The following ANK1 variants were observed in gnomAD, a reference collection of about 807,000 sequenced individuals.
ANK1 encodes ankyrin-1.
A neutral mutation model predicts 210.4 loss-of-function variants in ANK1; 51 were observed. The ratio of observed to expected loss-of-function variants is 0.24; its 90% CI spans 0.19 to 0.31. The LOEUF (loss-of-function observed/expected upper bound fraction) is 0.31. ANK1 is among the 10% of genes least tolerant of loss of function. The probability of loss-of-function intolerance (pLI) is 1.00; values close to 1 mark genes in which losing one functional copy is unlikely to be tolerated. For synonymous variants in ANK1, 967 were observed against 1,025.9 expected, an observed-to-expected ratio of 0.94 and a Z score of 1.10; for missense variants, 2,051 against 2,504.4, an observed-to-expected ratio of 0.82 and a Z score of 3.86.
chr8:41,671,135 A>G lies in ANK1; in HGVS notation c.5096+1219T>C, dbSNP rs567715192. ...CTGGGAAATGCATCACCTTCTCCTG[A>G]CCTGCCGACGCTGCTTTTCTGCTGC... On this transcript the variant is annotated intron_variant, in intron 38 of 42. Coordinates refer to ENST00000289734, the MANE Select transcript of ANK1 (RefSeq NM_000037.4). Among the ~76,000 whole-genome samples the G allele has an allele frequency of 2.6e-5, 4 of 152,208 alleles. No homozygotes were observed. In the East Asian group the frequency reaches 7.7e-4, roughly 29 times the overall value.
At chr8:41,836,906 T>A (rs1042178369) in intron 1 of ANK1, among the ~76,000 whole-genome samples, 3 of 137,568 alleles carry the variant, frequency 2.2e-5, no homozygotes, top group South Asian at 2.3e-4. Context: ...GGCAACAGAG[T>A]AAGAAGCTAT....
rs1027778648 is a variant in ANK1, at chr8:41,719,363, G to A, written c.1107+298C>T. 2.6e-5 allele frequency among the ~76,000 whole-genome samples: 4 copies of A among 152,294 alleles called. No homozygotes were observed. In the South Asian group the frequency reaches 6.2e-4, roughly 24 times the overall value. On this transcript the variant is annotated intron_variant, in intron 10 of 42. Transcript: ENST00000289734. ...TCCACTGGAGAGATGCCCCAAGCCC[G>A]CATACCTACCATGCAGGATGCTTCC...
upstream of ANK1, among the ~76,000 whole-genome samples, chr8:41,800,224 T>G (rs1849648402): frequency 6.6e-6 from 1 of 152,154 alleles, no homozygotes; most frequent in South Asian, 2.1e-4. Flanking sequence ...ATATATATAG[T>G]GCTTTCCTGG....
At chr8:41,790,675 T>C (rs1847483891) in intron 1 of ANK1, among the ~76,000 whole-genome samples, 1 of 152,176 alleles carries the variant, frequency 6.6e-6, no homozygotes, top group Admixed American at 6.5e-5. Flanking sequence ...GATCCTATTA[T>C]ACAGCTTTAA....
chr8:41,688,460 C>A (rs1818304466), intron 34 of ANK1, 51 bp downstream of exon 34: 1 of 1,588,256 alleles, frequency 6.3e-7, no homozygotes. Context: ...GAGCTCACGC[C>A]CACCCTTCTT....
At chr8:41,847,856 T>G (rs1484747802) in intron 1 of ANK1, among the ~76,000 whole-genome samples, 1 of 152,134 alleles carries the variant, frequency 6.6e-6, no homozygotes, top group Non-Finnish European at 1.5e-5. Flanking sequence ...ATCTGATAGA[T>G]TTATCATTTT....
At chr8:41,736,130 G>C (rs1833349749) in intron 2 of ANK1, among the ~76,000 whole-genome samples, 1 of 152,202 alleles carries the variant, frequency 6.6e-6, no homozygotes. Flanking sequence ...AGCTAGGTCA[G>C]AGCCAGTCTG....
chr8:41,707,792 A>T (rs1335201835), intron 17 of ANK1, among the ~76,000 whole-genome samples: 1 of 152,142 alleles, frequency 6.6e-6, no homozygotes, highest in Non-Finnish European at 1.5e-5. Context: ...TTTGTAAAAA[A>T]TGTGCCAGAT....
At chr8:41,794,552 T>C (rs1370027406) in intron 1 of ANK1, among the ~76,000 whole-genome samples, 1 of 152,260 alleles carries the variant, frequency 6.6e-6, no homozygotes, top group African/African-American at 2.4e-5. Context: ...TACTCCTTTA[T>C]TTTGTTTTTA....
At chr8:41,715,243 G>T (rs1479423398) in intron 14 of ANK1, among the ~76,000 whole-genome samples, 169 bp from the exon 15 acceptor site, 2 of 152,210 alleles carry the variant, frequency 1.3e-5, no homozygotes, top group African/African-American at 4.8e-5. Context: ...GGACTTGGCA[G>T]GCATCCCTGC....
chr8:41,692,405 C>T (rs1160155745), intron 31 of ANK1, among the ~76,000 whole-genome samples: 1 of 152,210 alleles, frequency 6.6e-6, no homozygotes, highest in Non-Finnish European at 1.5e-5. Flanking sequence ...TCGGCAAATG[C>T]CAACTCTTTT....
At chr8:41,891,673 A>T (rs1267905840) in intron 1 of ANK1, among the ~76,000 whole-genome samples, 1 of 152,246 alleles carries the variant, frequency 6.6e-6, no homozygotes, top group Non-Finnish European at 1.5e-5. Flanking sequence ...AGCTGAACTG[A>T]AAAAATGGAC....
At chr8:41,832,877 C>A (rs1014189083) in intron 1 of ANK1, among the ~76,000 whole-genome samples, 3 of 152,204 alleles carry the variant, frequency 2.0e-5, no homozygotes, top group Non-Finnish European at 4.4e-5. Flanking sequence ...AGAAGGTAAT[C>A]CATTACATCT....
chr8:41,779,423 A>T (rs902401324), intron 1 of ANK1, among the ~76,000 whole-genome samples: 9 of 147,628 alleles, frequency 6.1e-5, no homozygotes, highest in South Asian at 2.2e-4. Flanking sequence ...AATGTTTTTC[A>T]TTTTTTTTTT....
chr8:41,866,568 C>G (rs1361720418), intron 1 of ANK1, among the ~76,000 whole-genome samples: 1 of 152,240 alleles, frequency 6.6e-6, no homozygotes, highest in African/African-American at 2.4e-5. Context: ...TTACCACCAT[C>G]CAGCCACAGA....
At chr8:41,692,158 G>A (rs1039904355) in intron 31 of ANK1, among the ~76,000 whole-genome samples, 4 of 151,974 alleles carry the variant, frequency 2.6e-5, no homozygotes, top group African/African-American at 9.7e-5. Context: ...CCGGGTTCAA[G>A]TGATTCTCCT....
intron 23 of ANK1, 31 bp from the exon 24 acceptor site, chr8:41,698,152 G>A (rs770454815): frequency 4.3e-6 from 7 of 1,609,368 alleles, no homozygotes; most frequent in East Asian, 4.5e-5. Flanking sequence ...AACATCACAG[G>A]GCTGATCCAC....
chr8:41,663,375 A>C (rs1455455079), intron 40 of ANK1, among the ~76,000 whole-genome samples: 1 of 152,070 alleles, frequency 6.6e-6, no homozygotes, highest in Non-Finnish European at 1.5e-5. Context: ...GCATCATGGG[A>C]CTAGGTCTGG....
intron 1 of ANK1, among the ~76,000 whole-genome samples, chr8:41,876,085 GCCT>G (rs1816526432): frequency 6.6e-6 from 1 of 151,964 alleles, no homozygotes; most frequent in Non-Finnish European, 1.5e-5. Flanking sequence ...CTCGCCTCAC[GCCT>G]CCTGCCCAAA....
Sources: allele counts gnomAD v4.1 joint callset (sites outside exome capture counted in the v4.1 genomes callset), GRCh38; gene constraint gnomAD v4.1.1; transcripts MANE v1.5; gene names NCBI Gene and HGNC (gene_info 2026-07-23, HGNC 2026-07-21).